The following AGMO variants were observed in gnomAD, a reference collection of about 807,000 sequenced individuals.
AGMO encodes alkylglycerol monooxygenase.
AGMO carries 75 observed loss-of-function variants against 60.2 expected under a neutral mutation model. The observed-to-expected ratio is 1.25, with a 90% confidence interval of 1.03 to 1.51. The LOEUF is 1.51. AGMO is among the 40% of genes most tolerant of loss of function. The pLI, the probability that AGMO is intolerant of heterozygous loss-of-function variation, is 0.00. For synonymous variants in AGMO, 261 were observed against 177.1 expected (o/e 1.47, Z -3.76); for missense variants, 763 against 525.5 (o/e 1.45, Z -4.42).
intron 12 of AGMO, among the ~76,000 whole-genome samples, chr7:15,287,594 T>C (rs941841436): frequency 6.6e-6 from 1 of 152,204 alleles, no homozygotes; most frequent in African/African-American, 2.4e-5. Flanking sequence ...AAAATATTTG[T>C]AGTATGTGTA....
chr7:15,452,729 G>T (rs1781887917), intron 3 of AGMO, among the ~76,000 whole-genome samples: 1 of 152,116 alleles, frequency 6.6e-6, no homozygotes, highest in African/African-American at 2.4e-5. Context: ...CTGCTTTTAG[G>T]TATATAGTCA....
chr7:15,368,402 A>T (rs1009076230), intron 10 of AGMO, among the ~76,000 whole-genome samples: 4 of 152,098 alleles, frequency 2.6e-5, no homozygotes, highest in Non-Finnish European at 4.4e-5. Flanking sequence ...GGCGGGGAAA[A>T]ATTTACATAT....
chr7:15,365,224 C>G lies in AGMO; in HGVS notation c.1263+290G>C, dbSNP rs1434530710. On this transcript the variant is annotated intron_variant, in intron 12 of 12. Coordinates refer to ENST00000342526, the MANE Select transcript of AGMO (RefSeq NM_001004320.2). ...ATCAATTCTTCCACTTCTTGAGAAC[C>G]TACTACATGGTCTGATTTCTTTATA... Among the ~76,000 whole-genome samples, 3 of 151,590 alleles carry G rather than the reference C, an allele frequency of 2.0e-5. No homozygotes were observed. The East Asian group carries it at 5.8e-4, about 29-fold the overall frequency.
intron 5 of AGMO, among the ~76,000 whole-genome samples, chr7:15,405,976 A>G (rs1347990563): frequency 6.6e-6 from 1 of 151,834 alleles, no homozygotes; most frequent in Non-Finnish European, 1.5e-5. Context: ...AATTTCCATC[A>G]TGTTCCTTGT....
chr7:15,148,533 T>G, the AGMO span, among the ~76,000 whole-genome samples: 77 of 152,104 alleles, frequency 5.1e-4, no homozygotes, highest in Non-Finnish European at 1.0e-3. Flanking sequence ...TCTCTTTATG[T>G]TCATGTGTAC....
chr7:15,288,321 G>C (rs1443403754), intron 12 of AGMO, among the ~76,000 whole-genome samples: 3 of 152,020 alleles, frequency 2.0e-5, no homozygotes, highest in Non-Finnish European at 4.4e-5. Flanking sequence ...TGTTTTCCTA[G>C]TAAAACATTA....
Position 15,544,890 on chromosome 7 carries a change from A to G in AGMO, c.291T>C (p.Tyr97=), listed in dbSNP as rs1784734446. The change falls in exon 3 of 13, where the codon TAT becomes TAC. Residue 97 remains tyrosine (Y), a synonymous_variant. Coordinates refer to ENST00000342526, the MANE Select transcript of AGMO (RefSeq NM_001004320.2). ...GCCTGTAGTTCTCCCAGATATAAAT[A>G]TAACTGGTCAGTTCAATGCTCCTGA... ...LFFRSIELTS[Y]IYIWENYRLF... is the part of the protein sequence containing the mutation. The G allele has an allele frequency of 1.3e-6, 2 of 1,591,786 alleles. No homozygotes were observed. Among genetic ancestry groups the G allele is most frequent in the East Asian group, 2.3e-5 (1 of 43,566 alleles).
At chr7:15,447,476 A>G (rs2128504239) in intron 3 of AGMO, among the ~76,000 whole-genome samples, 1 of 152,346 alleles carries the variant, frequency 6.6e-6, no homozygotes, top group Admixed American at 6.5e-5. Context: ...ATAAAGTGCT[A>G]TTATAGAAGC....
At chr7:15,410,321 T>A (rs1784805170) in intron 5 of AGMO, among the ~76,000 whole-genome samples, 2 of 151,812 alleles carry the variant, frequency 1.3e-5, no homozygotes, top group African/African-American at 4.8e-5. Flanking sequence ...ATTGAAATAT[T>A]TTAAAAATAT....
chr7:15,211,864 A>G (rs1415201408), intron 12 of AGMO, among the ~76,000 whole-genome samples: 2 of 152,032 alleles, frequency 1.3e-5, no homozygotes. Flanking sequence ...TGTTTCTTGA[A>G]GTATTTTTTG....
At chr7:15,313,692 T>C (rs1044077560) in intron 12 of AGMO, among the ~76,000 whole-genome samples, 1 of 152,082 alleles carries the variant, frequency 6.6e-6, no homozygotes, top group African/African-American at 2.4e-5. Context: ...TTCCAAGACC[T>C]CCAGTGGATG....
intron 12 of AGMO, among the ~76,000 whole-genome samples, chr7:15,263,835 T>C (rs1783353093): frequency 6.6e-6 from 1 of 152,140 alleles, no homozygotes; most frequent in African/African-American, 2.4e-5. Flanking sequence ...ACATCGTATG[T>C]TCTCACTTAC....
the AGMO span, among the ~76,000 whole-genome samples, chr7:15,173,222 T>G: frequency 6.6e-6 from 1 of 152,154 alleles, no homozygotes; most frequent in Non-Finnish European, 1.5e-5. Context: ...ATAAATTTAC[T>G]GAAGTAAATT....
the AGMO span, among the ~76,000 whole-genome samples, chr7:15,142,538 G>A: frequency 6.6e-6 from 1 of 152,244 alleles, no homozygotes; most frequent in African/African-American, 2.4e-5. Flanking sequence ...CTTTGGTGTT[G>A]TCTCATTAGT....
chr7:15,561,686 A>G, intron 1 of AGMO, 34 bp downstream of exon 1: 1 of 1,539,386 alleles, frequency 6.5e-7, no homozygotes, highest in South Asian at 1.2e-5. Flanking sequence ...GAAAGCAGCA[A>G]GAATAAGAGT....
At chr7:15,383,602 G>A (rs564705795) in intron 10 of AGMO, among the ~76,000 whole-genome samples, 80 of 151,700 alleles carry the variant, frequency 5.3e-4, no homozygotes, top group Admixed American at 1.8e-3. Flanking sequence ...AATTCCATAG[G>A]TCTTATATTG....
chr7:15,354,344 G>A (rs1185373826), intron 12 of AGMO, among the ~76,000 whole-genome samples: 3,618 of 80,626 alleles, frequency 0.045, 554 homozygotes, highest in Middle Eastern at 0.053. Context: ...GTATATACAC[G>A]CGTGTATATA....
chr7:15,207,426 T>C (rs1781467573), intron 12 of AGMO, among the ~76,000 whole-genome samples: 1 of 152,214 alleles, frequency 6.6e-6, no homozygotes, highest in Admixed American at 6.5e-5. Context: ...CTCAATAATG[T>C]GGATTTTTAA....
intron 12 of AGMO, among the ~76,000 whole-genome samples, chr7:15,327,649 G>A (rs1196727741): frequency 6.6e-6 from 1 of 151,814 alleles, no homozygotes; most frequent in African/African-American, 2.4e-5. Context: ...GACTATATAG[G>A]AAGGTTATTT....
Sources: allele counts gnomAD v4.1 joint callset (sites outside exome capture counted in the v4.1 genomes callset), GRCh38; gene constraint gnomAD v4.1.1; transcripts MANE v1.5; gene names NCBI Gene and HGNC (gene_info 2026-07-23, HGNC 2026-07-21).